NDUFAF6: variants seen among roughly 807,000 people sequenced by gnomAD.
NDUFAF6 encodes NADH:ubiquinone oxidoreductase complex assembly factor 6, also known as NADH dehydrogenase (ubiquinone) complex I, assembly factor 6.
In NDUFAF6, 45 loss-of-function variants were observed where a neutral mutation model predicts 40.8. That is an observed-to-expected ratio of 1.10 (90% CI 0.87 to 1.42). The LOEUF (loss-of-function observed/expected upper bound fraction) is 1.42. Ranked by LOEUF, NDUFAF6 falls within the 40% of genes most tolerant of loss-of-function variation. NDUFAF6 has a pLI of 0.00. For synonymous variants in NDUFAF6, 185 were observed against 155.9 expected (o/e 1.19, Z -1.39); for missense variants, 435 against 418.5 (o/e 1.04, Z -0.34).
chr8:95,100,734 T>A (rs1251725365), intron 1 of NDUFAF6, among the ~76,000 whole-genome samples: 4 of 152,242 alleles, frequency 2.6e-5, no homozygotes, highest in African/African-American at 9.6e-5. Flanking sequence ...ATATCCATTG[T>A]GTCCATAAAC....
chr8:94,991,825 G>T (rs1826208980), intron 2 of NDUFAF6, among the ~76,000 whole-genome samples: 1 of 121,014 alleles, frequency 8.3e-6, no homozygotes. Flanking sequence ...TTTTAAAGCA[G>T]CACGAGATTC....
intron 2 of NDUFAF6, among the ~76,000 whole-genome samples, chr8:94,993,772 A>G (rs968082392): frequency 6.6e-6 from 1 of 152,198 alleles, no homozygotes; most frequent in Non-Finnish European, 1.5e-5. Context: ...AATAATAAGA[A>G]AGAATACACG....
chr8:95,065,794 T>C (rs183609520), intron 9 of NDUFAF6, among the ~76,000 whole-genome samples: 1 of 152,342 alleles, frequency 6.6e-6, no homozygotes, highest in East Asian at 1.9e-4. Context: ...TATACTTCTG[T>C]CACTTCTAGG....
downstream of NDUFAF6, among the ~76,000 whole-genome samples, chr8:95,105,438 C>T (rs185177078): frequency 2.1e-3 from 321 of 152,030 alleles, no homozygotes; most frequent in Non-Finnish European, 3.1e-3. Context: ...TGGCTCACTG[C>T]AGCCTCAACC....
At chr8:94,908,808 G>A (rs78632439) in intron 1 of NDUFAF6, among the ~76,000 whole-genome samples, 1 of 152,164 alleles carries the variant, frequency 6.6e-6, no homozygotes, top group Admixed American at 6.5e-5. Flanking sequence ...GAGTCAGAGG[G>A]CTTCTCTAAG....
At chr8:95,072,002 T>A (rs1431801911) in intron 9 of NDUFAF6, 1 of 152,182 alleles carries the variant, frequency 6.6e-6, no homozygotes, top group Non-Finnish European at 1.5e-5. Context: ...TCCCCTTCTT[T>A]CAAGTCTTCT....
At chr8:94,942,613 C>T (rs1586744475) in intron 1 of NDUFAF6, among the ~76,000 whole-genome samples, 1 of 152,226 alleles carries the variant, frequency 6.6e-6, no homozygotes, top group East Asian at 1.9e-4. Context: ...ACCTGTTATG[C>T]ATCAGGTGCA....
intron 4 of NDUFAF6, among the ~76,000 whole-genome samples, chr8:95,114,137 C>T (rs1810075843): frequency 7.1e-6 from 1 of 141,358 alleles, no homozygotes; most frequent in Admixed American, 7.4e-5. Context: ...GCACATGTAC[C>T]CTAAAACTTA....
At chr8:94,949,564 A>C (rs897177834) in intron 2 of NDUFAF6, among the ~76,000 whole-genome samples, 32 of 151,380 alleles carry the variant, frequency 2.1e-4, no homozygotes, top group Middle Eastern at 3.4e-3. Flanking sequence ...GGCAACAAAA[A>C]CCGGGAGCTG....
intron 1 of NDUFAF6, among the ~76,000 whole-genome samples, chr8:94,969,428 TAGAG>T (rs1824278580): frequency 6.6e-6 from 1 of 152,166 alleles, no homozygotes; most frequent in African/African-American, 2.4e-5. Flanking sequence ...TTGATTACTT[TAGAG>T]AGAGCAGCTT....
At chr8:95,065,379 G>A (rs113396721) in intron 9 of NDUFAF6, among the ~76,000 whole-genome samples, 279 of 152,216 alleles carry the variant, frequency 1.8e-3, no homozygotes, top group Non-Finnish European at 3.3e-3. Context: ...GCTTGCTGGT[G>A]GGGAAAAATT....
upstream of NDUFAF6, among the ~76,000 whole-genome samples, chr8:95,020,848 C>G (rs1827665365): frequency 6.6e-6 from 1 of 152,090 alleles, no homozygotes. Flanking sequence ...AGGATCAAAA[C>G]TGGGGGAACA....
intron 4 of NDUFAF6, among the ~76,000 whole-genome samples, chr8:95,110,958 A>C (rs1490105629): frequency 6.6e-6 from 1 of 152,204 alleles, no homozygotes; most frequent in African/African-American, 2.4e-5. Context: ...CATTGCTAGA[A>C]AGGAATTATC....
At chr8:94,961,484 C>T (rs1010876036) in intron 1 of NDUFAF6, among the ~76,000 whole-genome samples, 1 of 152,176 alleles carries the variant, frequency 6.6e-6, no homozygotes, top group Non-Finnish European at 1.5e-5. Flanking sequence ...TGCAGTGCCA[C>T]CATCTCAGCT....
At chr8:95,045,270 T>C (rs1243825698) in intron 4 of NDUFAF6, among the ~76,000 whole-genome samples, 1 of 152,194 alleles carries the variant, frequency 6.6e-6, no homozygotes, top group Non-Finnish European at 1.5e-5. Flanking sequence ...CAGTTTATTT[T>C]GATAACTTGG....
At chr8:94,997,369 G>C (rs1285396932) in intron 2 of NDUFAF6, among the ~76,000 whole-genome samples, 1 of 149,994 alleles carries the variant, frequency 6.7e-6, no homozygotes, top group African/African-American at 2.5e-5. Context: ...GAGAGAGACA[G>C]AGAGAATGTA....
At chr8:94,955,211 G>T (rs147831674), upstream of NDUFAF6, among the ~76,000 whole-genome samples, 1 of 152,318 alleles carries the variant, frequency 6.6e-6, no homozygotes, top group African/African-American at 2.4e-5. Context: ...AGTTCATTTT[G>T]TGTTGCTATA....
chr8:95,080,804 G>T (rs2678839), downstream of NDUFAF6, among the ~76,000 whole-genome samples: 1 of 151,876 alleles, frequency 6.6e-6, no homozygotes, highest in Admixed American at 6.6e-5. Context: ...CACTGTGCCC[G>T]GCCAAATGAC....
intron 2 of NDUFAF6, among the ~76,000 whole-genome samples, chr8:94,985,637 G>T (rs1289290919): frequency 3.7e-5 from 5 of 136,144 alleles, no homozygotes; most frequent in Non-Finnish European, 7.7e-5. Context: ...CCAGGTTCAA[G>T]CAATTCTCCT....
Sources: gnomAD v4.1 joint callset for allele counts (sites outside exome capture counted in the v4.1 genomes callset) on GRCh38, gnomAD v4.1.1 for gene constraint, MANE v1.5 for transcripts, NCBI Gene and HGNC (gene_info 2026-07-23, HGNC 2026-07-21) for gene names.